The following CNTN2 variants were observed in gnomAD, a reference collection of about 807,000 sequenced individuals.
CNTN2 encodes the protein contactin-2.
In CNTN2, 53 loss-of-function variants were observed where a neutral mutation model predicts 117.5. The ratio of observed to expected loss-of-function variants is 0.45; its 90% CI spans 0.36 to 0.57. The LOEUF (loss-of-function observed/expected upper bound fraction) is 0.57. Ranked by LOEUF, CNTN2 falls within the 20% of genes least tolerant of loss-of-function variation. The pLI, the probability that CNTN2 is intolerant of heterozygous loss-of-function variation, is 0.00. For synonymous variants in CNTN2, 530 were observed against 561.7 expected, an observed-to-expected ratio of 0.94 and a Z score of 0.80; for missense variants, 1,106 against 1,404.3, an observed-to-expected ratio of 0.79 and a Z score of 3.39.
intron 18 of CNTN2, 154 bp downstream of exon 18, chr1:205,070,215 C>T: frequency 1.3e-6 from 1 of 785,714 alleles, no homozygotes; most frequent in Non-Finnish European, 2.1e-6. Context: ...ACTTCCAGCT[C>T]TTGCTACCTT....
At chr1:205,062,404 T>C in intron 9 of CNTN2, 36 bp from the exon 10 acceptor site, 1 of 1,588,862 alleles carries the variant, frequency 6.3e-7, no homozygotes, top group Non-Finnish European at 8.6e-7. Context: ...GCTCCTGTGG[T>C]CCTGATCCCC....
Position 205,074,209 on chromosome 1 carries a change from C to T in CNTN2, c.*444C>T. The T allele has an allele frequency of 2.3e-6, 1 of 429,722 alleles. No individual in the cohort carries two copies. The highest frequency in any genetic ancestry group is 4.1e-6 in the Non-Finnish European group (1 of 243,336). The allele number at this position is 429,722 out of a possible 1,614,324, so 26.6% of individuals were successfully genotyped here. ...AACTGGAGCGAAGTGCACACCTCAC[C>T]ATCCTTCAGTCTAAGGAAGAAGGGC... On this transcript the variant is annotated 3_prime_UTR_variant, in exon 23 of 23. Transcript: ENST00000331830.
At chr1:205,071,277 C>T (rs1207125396) in intron 19 of CNTN2, among the ~76,000 whole-genome samples, 8 of 152,090 alleles carry the variant, frequency 5.3e-5, no homozygotes, top group Non-Finnish European at 1.2e-4. Context: ...GTCCTGGGCC[C>T]ACTGAGAACT....
At chr1:205,050,827 C>T (rs1247770379) in intron 1 of CNTN2, among the ~76,000 whole-genome samples, 1 of 152,176 alleles carries the variant, frequency 6.6e-6, no homozygotes, top group East Asian at 1.9e-4. Flanking sequence ...CCATGTTGGC[C>T]AGGCTGATCT....
chr1:205,043,965 G>A (rs2096436573), intron 1 of CNTN2, among the ~76,000 whole-genome samples: 2 of 152,176 alleles, frequency 1.3e-5, no homozygotes, highest in South Asian at 4.1e-4. Context: ...GGCCTGTCCA[G>A]GAACTGGGAC....
Position 205,061,272 on chromosome 1 carries a change from A to G in CNTN2, c.825A>G (p.Lys275=). The G allele has an allele frequency of 6.2e-7, 1 of 1,612,980 alleles. No individual in the cohort carries two copies. Among genetic ancestry groups the G allele is most frequent in the East Asian group, 2.2e-5 (1 of 44,842 alleles). The stretch of plus-strand genomic sequence containing the variant: ...CTGTCCCCCGGATCAAGTGGCGCAA[A>G]GTGGACGGCTCCCTGTCCCCGCAGT... ...GNPVPRIKWR[K]VDGSLSPQWT... is the part of the protein sequence containing the mutation. The change falls in exon 8 of 23, where the codon AAA becomes AAG. Residue 275 remains lysine (K), a synonymous_variant. Transcript: ENST00000331830. The surrounding 1 kb of genome is among the most constrained non-coding windows in gnomAD (Gnocchi z 4.8).
rs1654183108 is a variant in CNTN2 at position 205,064,675 on chromosome 1, G to T, written c.1444G>T (p.Asp482Tyr). 6.2e-7 allele frequency: 1 copy of T among 1,614,112 alleles called. No homozygotes were observed. The part of the protein sequence containing the change: ...TLIIRNISRS[D>Y]EGKYTCFAEN... ...GATCATAAGAAACATCAGCCGGTCA[G>T]ATGAAGGCAAATACACCTGCTTTGC... is the stretch of plus-strand genomic sequence containing the variant. Residue 482 changes from aspartate (D) to tyrosine (Y), a missense_variant, in exon 12 of 23, where the codon GAT becomes TAT. By Grantham distance (160) the Asp-to-Tyr change is radical (BLOSUM62 -3). Coordinates refer to ENST00000331830, the MANE Select transcript of CNTN2 (RefSeq NM_005076.5).
intron 1 of CNTN2, among the ~76,000 whole-genome samples, chr1:205,050,644 A>G (rs2096451019): frequency 6.6e-6 from 1 of 152,012 alleles, no homozygotes. Context: ...TTGAAATGGA[A>G]TTTTGCTCTT....
chr1:205,045,008 A>G (rs867047578), intron 1 of CNTN2, among the ~76,000 whole-genome samples: 4 of 152,270 alleles, frequency 2.6e-5, no homozygotes, highest in Middle Eastern at 3.4e-3. Context: ...AGCGAATAAG[A>G]GGGAGGCAGG....
chr1:205,070,432 G>A lies in CNTN2; in HGVS notation c.2438G>A (p.Arg813Lys), dbSNP rs1389297105. ...ALVYSAEEEPRVAPTKVWAKG... is the reference protein window; with the variant it reads ...ALVYSAEEEPKVAPTKVWAKG... ...ATTCTGTATTGGTCCCCAGAGCCCAGGGTGGCCCCTACCAAGGTGTGGGCC... is the reference window on the plus strand; with the variant it reads ...ATTCTGTATTGGTCCCCAGAGCCCAAGGTGGCCCCTACCAAGGTGTGGGCC... The change falls in exon 19 of 23, where the codon AGG becomes AAG. Residue 813 changes from arginine to lysine, a missense_variant. Arg to Lys is a conservative substitution (Grantham distance 26). Transcript: ENST00000331830. 2.5e-6 allele frequency: 4 copies of A among 1,612,000 alleles called. No individual in the cohort carries two copies. Among genetic ancestry groups the A allele is most frequent in the Non-Finnish European group, 2.5e-6 (3 of 1,178,670 alleles).
intron 1 of CNTN2, 77 bp downstream of exon 1, chr1:205,043,471 A>T (rs1212347394): frequency 6.6e-6 from 1 of 152,366 alleles, no homozygotes; most frequent in African/African-American, 2.4e-5. Flanking sequence ...CTCCCGGCTC[A>T]GTTCCTGTAA....
Position 205,053,089 on chromosome 1 carries a change from T to C in CNTN2, c.-86-11T>C. 3 of 871,062 alleles carry C rather than the reference T, an allele frequency of 3.4e-6. No individual in the cohort carries two copies. Among genetic ancestry groups the C allele is most frequent in the Admixed American group, 2.5e-5 (1 of 39,570 alleles). 54.0% of individuals were successfully genotyped at this position (871,062 alleles called of 1,614,324 possible). Reference sequence around the variant, plus strand: ...TCGGCTCAGAGCCCTCCTTTCTGTCTGCCTCCCCAGGTCCTTTCTCAGCCT... The same window carrying C: ...TCGGCTCAGAGCCCTCCTTTCTGTCCGCCTCCCCAGGTCCTTTCTCAGCCT... On this transcript the variant is annotated splice_polypyrimidine_tract_variant and intron_variant, in intron 1 of 22. Transcript: ENST00000331830.
chr1:205,065,816 C>A lies in CNTN2; in HGVS notation c.1723C>A (p.Leu575Met). Residue 575 changes from leucine to methionine, a missense_variant, in exon 14 of 23, where the codon CTG becomes ATG. Physicochemically the swap from Leu to Met is conservative, Grantham distance 15. Coordinates refer to ENST00000331830, the MANE Select transcript of CNTN2 (RefSeq NM_005076.5). This position sits in a 1 kb window ranked among gnomAD's most constrained non-coding sequence, Gnocchi z 4.1. ...GGAGACCATTGGGGATCTGACCATC[C>A]TGAACGCCCAGCTGCGCCATGGGGG... ...VKETIGDLTI[L>M]NAQLRHGGKY... 6.4e-7 allele frequency: 1 copy of A among 1,564,556 alleles called. No homozygotes were observed. The highest frequency in any genetic ancestry group is 1.1e-5 in the South Asian group (1 of 90,182).
At chr1:205,066,375 G>T in intron 14 of CNTN2, 66 bp from the exon 15 acceptor site, 1 of 1,571,880 alleles carries the variant, frequency 6.4e-7, no homozygotes. Flanking sequence ...GCCTGGCTGG[G>T]AGGAGGTTGG....
chr1:205,068,299 C>A (rs911095134), intron 16 of CNTN2: 1 of 152,226 alleles, frequency 6.6e-6, no homozygotes, highest in South Asian at 2.1e-4. Flanking sequence ...TGCCTCACCT[C>A]CTCTACAGAC....
Position 205,064,546 on chromosome 1 carries a change from A to G in CNTN2, c.1391+74A>G. The G allele has an allele frequency of 1.9e-6, 3 of 1,597,310 alleles. No homozygotes were observed. The Admixed American group carries it at 5.1e-5, about 27-fold the overall frequency. On this transcript the variant is annotated intron_variant, in intron 11 of 22. Transcript: ENST00000331830. The stretch of plus-strand genomic sequence containing the variant: ...CATGGAGGCCAATTCCCCTCCTGTG[A>G]CAACAGTCACAGGAGTTGGCCAGCC...
rs777653595 is a variant in CNTN2, at chr1:205,067,219, G to A, written c.2094G>A (p.Gly698=). ...SNILGTGEPS[G]PSSKIRTREA... ...TTCTGGGCACTGGGGAGCCTAGTGG[G>A]CCCTCCAGCAAAATCCGGACCAGGG... The change falls in exon 16 of 23, where the codon GGG becomes GGA. Residue 698 remains glycine, a synonymous_variant. Transcript: ENST00000331830. The A allele has an allele frequency of 1.9e-6, 3 of 1,613,854 alleles. No homozygotes were observed. The highest frequency in any genetic ancestry group is 2.2e-5 in the South Asian group (2 of 91,060).
intron 1 of CNTN2, among the ~76,000 whole-genome samples, chr1:205,047,589 G>A (rs1035815907): frequency 1.3e-5 from 2 of 152,160 alleles, no homozygotes; most frequent in African/African-American, 4.8e-5. Flanking sequence ...GTGTCCTTGT[G>A]CCCTAGTCTG....
chr1:205,059,342 CG>C lies in CNTN2; in HGVS notation c.697+52del, dbSNP rs1426323340. On this transcript the variant is annotated intron_variant, in intron 6 of 22. Transcript: ENST00000331830. The surrounding 1 kb of genome is among the most constrained non-coding windows in gnomAD (Gnocchi z 5.6). ...GGAGGGAGGGAACTGGAAGGGTCAG[CG>C]GGCATTAGGAAAAGGGTTTTTCCTT... 1 of 1,546,974 alleles carries C rather than the reference CG, an allele frequency of 6.5e-7. No individual in the cohort carries two copies. Among genetic ancestry groups the C allele is most frequent in the African/African-American group, 1.4e-5 (1 of 73,540 alleles).
Sources: gnomAD v4.1 joint callset for allele counts (sites outside exome capture counted in the v4.1 genomes callset) on GRCh38, gnomAD v4.1.1 for gene constraint, Gnocchi (gnomAD v3.1) non-coding constraint, MANE v1.5 for transcripts, NCBI Gene and HGNC (gene_info 2026-07-23, HGNC 2026-07-21) for gene names.